Variants in PSG9 observed in about 807,000 individuals in gnomAD.
PSG9 encodes the protein pregnancy-specific beta-1-glycoprotein 9.
A neutral mutation model predicts 41.9 loss-of-function variants in PSG9; 49 were observed. The observed-to-expected ratio is 1.17, with a 90% CI of 0.93 to 1.48. PSG9 has a LOEUF of 1.48. Ranked by LOEUF, PSG9 falls within the 40% of genes most tolerant of loss-of-function variation. The pLI is 0.00. For missense variants in PSG9, 641 were observed against 520.3 expected (o/e 1.23, Z -2.26); for synonymous variants, 263 against 196.8 (o/e 1.34, Z -2.82).
At position 43,262,144 on chromosome 19, in the gene PSG9, C is replaced by G. The variant is rs750901997; in HGVS notation, c.431-6G>C. Reference sequence around the variant, plus strand: ...GTAGGGCTTGGGAGTCTCCACTGTGCAGAAAACAGAGAGAAGATTGCCCTG... The same window carrying G: ...GTAGGGCTTGGGAGTCTCCACTGTGGAGAAAACAGAGAGAAGATTGCCCTG... On this transcript the variant is annotated splice_region_variant and splice_polypyrimidine_tract_variant and intron_variant, in intron 2 of 5. Transcript: ENST00000270077. The G allele has an allele frequency of 3.1e-6, 5 of 1,610,130 alleles. No homozygotes were observed. The Middle Eastern group carries it at 6.7e-4, about 215-fold the overall frequency.
intron 2 of PSG9, among the ~76,000 whole-genome samples, chr19:43,266,636 G>C (rs185059253): frequency 6.6e-6 from 1 of 152,128 alleles, no homozygotes; most frequent in African/African-American, 2.4e-5. Flanking sequence ...AGGTGATTTA[G>C]TTCTGGAATA....
In PSG9 at chr19:43,254,217, T is replaced by A. The variant is rs117855951; in HGVS notation, c.1244-571A>T. ...TAAGCCACACAATAACCCTGTCACA[T>A]AGACATTATTTCCATTTTGCCGATG... On this transcript the variant is annotated intron_variant, in intron 5 of 5. Transcript: ENST00000270077. Among the ~76,000 whole-genome samples the A allele has an allele frequency of 4.0e-3, 579 of 146,454 alleles. 44 individuals carry two copies. Among genetic ancestry groups the A allele is most frequent in the Non-Finnish European group, 6.9e-3 (467 of 67,302 alleles).
rs966378447 is a variant in PSG9, at chr19:43,257,871, G to A, written c.1243+331C>T. On this transcript the variant is annotated intron_variant, in intron 5 of 5. Coordinates refer to ENST00000270077, the MANE Select transcript of PSG9 (RefSeq NM_002784.5). ...AAGAAAAAAAAGACGTGGCAGAAGG[G>A]GATGTGTCGGTGACAGCGAGAAGCA... The A allele has an allele frequency of 1.7e-5, 23 of 1,385,354 alleles. 1 individual carries two copies. In the Middle Eastern group the frequency reaches 8.1e-4, roughly 49 times the overall value. 85.8% of individuals were successfully genotyped at this position (1,385,354 alleles called of 1,614,324 possible).
At chr19:43,261,739 G>A in intron 3 of PSG9, 121 bp downstream of exon 3, 1 of 1,609,570 alleles carries the variant, frequency 6.2e-7, no homozygotes, top group Non-Finnish European at 8.5e-7. Context: ...GTCATGGCCA[G>A]CTTTGATGTC....
chr19:43,262,972 G>A (rs1286833492), intron 2 of PSG9, among the ~76,000 whole-genome samples: 1 of 152,184 alleles, frequency 6.6e-6, no homozygotes, highest in Non-Finnish European at 1.5e-5. Flanking sequence ...AGAACTGACT[G>A]GTGGAAAGGG....
chr19:43,262,967 T>G lies in PSG9; in HGVS notation c.431-829A>C, dbSNP rs1182889745. Among the ~76,000 whole-genome samples the G allele has an allele frequency of 5.9e-5, 9 of 152,326 alleles. No individual in the cohort carries two copies. In the East Asian group the frequency reaches 1.7e-3, roughly 29 times the overall value. ...ATGTGGATGTTTGCAAATGCAGAAC[T>G]GACTGGTGGAAAGGGTGAACATGAA... On this transcript the variant is annotated intron_variant, in intron 2 of 5. Coordinates refer to ENST00000270077, the MANE Select transcript of PSG9 (RefSeq NM_002784.5).
chr19:43,267,885 T>C lies in PSG9; in HGVS notation c.329A>G (p.Gln110Arg), dbSNP rs548814465. The C allele has an allele frequency of 6.8e-6, 11 of 1,613,848 alleles. No individual in the cohort carries two copies. In the Admixed American group the frequency reaches 1.5e-4, roughly 22 times the overall value. Residue 110 changes from glutamine to arginine, a missense_variant, in exon 2 of 6, where the codon CAG becomes CGG. Gln to Arg is a conservative substitution (Grantham distance 43). Coordinates refer to ENST00000270077, the MANE Select transcript of PSG9 (RefSeq NM_002784.5). ...TVYSNASLLI[Q>R]NVTRKDAGTY... ...TCCTGCATCCTTCCGGGTGACATTC[T>C]GGATCAGCAGGGATGCGTTGGAATA...
intron 2 of PSG9, among the ~76,000 whole-genome samples, chr19:43,262,483 C>T (rs1043883296): frequency 2.6e-5 from 4 of 152,174 alleles, no homozygotes; most frequent in African/African-American, 7.2e-5. Flanking sequence ...TCACTTGGAG[C>T]ATGCAGTGCT....
Position 43,258,084 on chromosome 19 carries a change from G to T in PSG9, c.1243+118C>A, listed in dbSNP as rs1968517381. 14 of 1,589,058 alleles carry T rather than the reference G, an allele frequency of 8.8e-6. 1 individual carries two copies. The highest frequency in any genetic ancestry group is 1.2e-5 in the Non-Finnish European group (14 of 1,173,862). On this transcript the variant is annotated intron_variant, in intron 5 of 5. Coordinates refer to ENST00000270077, the MANE Select transcript of PSG9 (RefSeq NM_002784.5). ...GGGAGGGTTCAGGAGGAGAATTTGG[G>T]ATTTGCTTGTGCCCATGGGACACAG...
At chr19:43,266,020 C>T (rs923606450) in intron 2 of PSG9, among the ~76,000 whole-genome samples, 1 of 151,544 alleles carries the variant, frequency 6.6e-6, no homozygotes, top group African/African-American at 2.4e-5. Context: ...TGGGGAAGGC[C>T]TAGGGGTGGG....
Position 43,269,208 on chromosome 19 carries a change from A to G in PSG9, c.64+160T>C, listed in dbSNP as rs568236132. On this transcript the variant is annotated intron_variant, in intron 1 of 5. Transcript: ENST00000270077. Reference sequence around the variant, plus strand: ...TTTAGGAGAGACTGGGCTTCACTGCATTGGCCGGACTGATCTTGAACTCCT... The same window carrying G: ...TTTAGGAGAGACTGGGCTTCACTGCGTTGGCCGGACTGATCTTGAACTCCT... Among the ~76,000 whole-genome samples, 5 of 151,804 alleles carry G rather than the reference A, an allele frequency of 3.3e-5. No individual in the cohort carries two copies. The South Asian group carries it at 8.3e-4, about 25-fold the overall frequency.
Position 43,257,976 on chromosome 19 carries a change from C to T in PSG9, c.1243+226G>A, listed in dbSNP as rs762638896. Reference sequence around the variant, plus strand: ...TAGGGCTCAGGGCTGATAAAGCCCCCTCCCTACCTTTTTCAGGCCAGACAC... The same window carrying T: ...TAGGGCTCAGGGCTGATAAAGCCCCTTCCCTACCTTTTTCAGGCCAGACAC... On this transcript the variant is annotated intron_variant, in intron 5 of 5. Transcript: ENST00000270077. 1.4e-5 allele frequency: 21 copies of T among 1,467,202 alleles called. 2 individuals carry two copies. The highest frequency in any genetic ancestry group is 1.8e-5 in the Non-Finnish European group (20 of 1,115,912). 90.9% of individuals were successfully genotyped at this position (1,467,202 alleles called of 1,614,324 possible).
chr19:43,256,834 C>A lies in PSG9; in HGVS notation c.1243+1368G>T, dbSNP rs1968460002. Among the ~76,000 whole-genome samples, 3 of 146,674 alleles carry A rather than the reference C, an allele frequency of 2.0e-5. 1 individual carries two copies. Among genetic ancestry groups the A allele is most frequent in the Non-Finnish European group, 4.4e-5 (3 of 67,420 alleles). On this transcript the variant is annotated intron_variant, in intron 5 of 5. Transcript: ENST00000270077. ...TTAAACAATAAATTACCATTTGATC[C>A]AGCAATTCCACTTCTGGACATACTC... is the stretch of plus-strand genomic sequence containing the variant.
At position 43,259,119 on chromosome 19, in the gene PSG9, G is replaced by C. The variant is rs1312249675; in HGVS notation, c.726C>G (p.Pro242=). 3.1e-6 allele frequency: 5 copies of C among 1,590,492 alleles called. 1 individual carries two copies. The African/African-American group carries it at 7.1e-5, about 23-fold the overall frequency. Residue 242 remains proline (P), a synonymous_variant, in exon 4 of 6, where the codon CCC becomes CCG. Coordinates refer to ENST00000270077, the MANE Select transcript of PSG9 (RefSeq NM_002784.5). ...TLNLLPKLPI[P]YITINNLNPR... ...GGTTTAAGTTGTTGATGGTGATGTA[G>C]GGGATGGGCAGCTTCGCTGTGTGGA... is the stretch of plus-strand genomic sequence containing the variant.
At chr19:43,262,692 G>A (rs1201862324) in intron 2 of PSG9, among the ~76,000 whole-genome samples, 2 of 152,198 alleles carry the variant, frequency 1.3e-5, no homozygotes, top group African/African-American at 2.4e-5. Flanking sequence ...CGGGAGGTCA[G>A]TTAAGACATC....
intron 2 of PSG9, among the ~76,000 whole-genome samples, chr19:43,263,333 T>G (rs954326618): frequency 2.0e-5 from 3 of 152,122 alleles, no homozygotes; most frequent in African/African-American, 7.2e-5. Context: ...ACAAAGTGTT[T>G]TGGATTTCTA....
At chr19:43,265,899 G>A (rs1229882171) in intron 2 of PSG9, among the ~76,000 whole-genome samples, 1 of 152,144 alleles carries the variant, frequency 6.6e-6, no homozygotes, top group Non-Finnish European at 1.5e-5. Context: ...AGCCAGGCAG[G>A]AGTGGCAACT....
Position 43,253,560 on chromosome 19 carries a change from T to C in PSG9, c.*49A>G, listed in dbSNP as rs1262504385. On this transcript the variant is annotated 3_prime_UTR_variant, in exon 6 of 6. Coordinates refer to ENST00000270077, the MANE Select transcript of PSG9 (RefSeq NM_002784.5). Reference sequence around the variant, plus strand: ...GTTTTTTTCTTCTTTGTCTTGAATTTCATGAAGGTATCAGCCTGTTCTTTT... The same window carrying C: ...GTTTTTTTCTTCTTTGTCTTGAATTCCATGAAGGTATCAGCCTGTTCTTTT... 6.0e-6 allele frequency: 4 copies of C among 670,998 alleles called. No homozygotes were observed. The highest frequency in any genetic ancestry group is 1.1e-5 in the Non-Finnish European group (4 of 376,074). The allele number at this position is 670,998 out of a possible 1,614,324, so 41.6% of individuals were successfully genotyped here.
rs1309072316 is a variant in PSG9 at position 43,258,497 on chromosome 19, G to C, written c.989-41C>G. 20 of 1,524,800 alleles carry C rather than the reference G, an allele frequency of 1.3e-5. 6 individuals are homozygous for C. The East Asian group carries it at 5.4e-4, about 41-fold the overall frequency. 94.5% of individuals were successfully genotyped at this position (1,524,800 alleles called of 1,614,324 possible). A position where few individuals can be genotyped will look rare whatever the true frequency, so the allele number is the denominator to read the frequency against. On this transcript the variant is annotated intron_variant, in intron 4 of 5. Transcript: ENST00000270077. ...TAAAGCCACACGTGATGTCATTCGA[G>C]GGAAGGGGATGTTCCTGGTCTCTTA...
Sources: allele counts gnomAD v4.1 joint callset (sites outside exome capture counted in the v4.1 genomes callset), GRCh38; gene constraint gnomAD v4.1.1; transcripts MANE v1.5; gene names NCBI Gene and HGNC (gene_info 2026-07-23, HGNC 2026-07-21).